MARCHF11: variants seen among roughly 807,000 people sequenced by gnomAD.
The protein encoded by MARCHF11 is E3 ubiquitin-protein ligase MARCHF11.
Under a neutral mutation model 37.3 loss-of-function variants are expected in MARCHF11, and 29 were observed. The ratio of observed to expected loss-of-function variants is 0.78; its 90% CI spans 0.58 to 1.06. The LOEUF is 1.06. MARCHF11 is among the 50% of genes least tolerant of loss of function. The pLI is 0.00. For synonymous variants in MARCHF11, 233 were observed against 228.0 expected (o/e 1.02, Z -0.20); for missense variants, 482 against 533.4 (o/e 0.90, Z 0.95).
intron 2 of MARCHF11, among the ~76,000 whole-genome samples, chr5:16,095,725 TG>T (rs1736857555): frequency 6.6e-6 from 1 of 152,126 alleles, no homozygotes; most frequent in African/African-American, 2.4e-5. Flanking sequence ...TTCTTCGATC[TG>T]GGCCCCCACT....
intron 3 of MARCHF11, among the ~76,000 whole-genome samples, chr5:16,074,943 C>T (rs191717140): frequency 2.8e-4 from 43 of 152,336 alleles, no homozygotes; most frequent in African/African-American, 1.0e-3. Flanking sequence ...TTCATGAAGT[C>T]TGCAGCCATC....
At chr5:16,164,506 A>G (rs1333843761) in intron 2 of MARCHF11, among the ~76,000 whole-genome samples, 1 of 152,018 alleles carries the variant, frequency 6.6e-6, no homozygotes, top group East Asian at 1.9e-4. Flanking sequence ...TTTGGCCCAT[A>G]TGTGTTTCAG....
chr5:16,134,964 G>A (rs1737582036), intron 2 of MARCHF11, among the ~76,000 whole-genome samples: 1 of 148,542 alleles, frequency 6.7e-6, no homozygotes, highest in African/African-American at 2.6e-5. Flanking sequence ...ATACCTGCAG[G>A]ATTATGAGTG....
chr5:16,167,896 C>T (rs565883270), intron 2 of MARCHF11, among the ~76,000 whole-genome samples: 1 of 152,058 alleles, frequency 6.6e-6, no homozygotes, highest in African/African-American at 2.4e-5. Flanking sequence ...GAGAAAGTAC[C>T]AATTATCAAT....
intron 2 of MARCHF11, among the ~76,000 whole-genome samples, chr5:16,092,586 G>A (rs1206651791): frequency 6.6e-6 from 1 of 152,080 alleles, no homozygotes; most frequent in Non-Finnish European, 1.5e-5. Flanking sequence ...CCTGTTGGTG[G>A]GTGGGGAAAA....
intron 2 of MARCHF11, among the ~76,000 whole-genome samples, chr5:16,153,437 A>G (rs775242987): frequency 6.6e-6 from 1 of 151,978 alleles, no homozygotes; most frequent in Non-Finnish European, 1.5e-5. Context: ...CTACCATGCT[A>G]GGAAGCATGA....
At chr5:16,162,882 C>T (rs1431502323) in intron 2 of MARCHF11, among the ~76,000 whole-genome samples, 1 of 152,000 alleles carries the variant, frequency 6.6e-6, no homozygotes, top group Non-Finnish European at 1.5e-5. Flanking sequence ...AAATGCCAAG[C>T]ATTTTGAAAA....
intron 2 of MARCHF11, among the ~76,000 whole-genome samples, chr5:16,161,347 C>T (rs1560992633): frequency 6.6e-6 from 1 of 151,848 alleles, no homozygotes; most frequent in Non-Finnish European, 1.5e-5. Flanking sequence ...ATAAACAGCA[C>T]ATCTTATTCC....
chr5:16,156,817 C>G (rs975534001), intron 2 of MARCHF11, among the ~76,000 whole-genome samples: 1 of 151,662 alleles, frequency 6.6e-6, no homozygotes, highest in Non-Finnish European at 1.5e-5. Flanking sequence ...CAAGCCTATA[C>G]AATATATTAC....
At chr5:16,080,226 T>C (rs1030936092) in intron 3 of MARCHF11, among the ~76,000 whole-genome samples, 3 of 152,164 alleles carry the variant, frequency 2.0e-5, no homozygotes, top group African/African-American at 7.2e-5. Context: ...TGAGTGATTG[T>C]TGGCTTGACT....
At chr5:16,171,121 A>ATTT (rs1428211444) in intron 2 of MARCHF11, among the ~76,000 whole-genome samples, 1 of 152,040 alleles carries the variant, frequency 6.6e-6, no homozygotes, top group African/African-American at 2.4e-5. Context: ...ATTTATTATT[A>ATTT]TACTTTAAGT....
chr5:16,091,400 G>T (rs1248208604), intron 2 of MARCHF11, among the ~76,000 whole-genome samples: 1 of 152,134 alleles, frequency 6.6e-6, no homozygotes, highest in Non-Finnish European at 1.5e-5. Flanking sequence ...TTTCATGCAT[G>T]CACGAAATTA....
At chr5:16,153,206 G>T (rs1324910499) in intron 2 of MARCHF11, among the ~76,000 whole-genome samples, 1 of 151,990 alleles carries the variant, frequency 6.6e-6, no homozygotes, top group African/African-American at 2.4e-5. Flanking sequence ...AAGTGGCTTG[G>T]ATTAGACATG....
chr5:16,105,595 C>T (rs1311605091), intron 2 of MARCHF11, among the ~76,000 whole-genome samples: 2 of 152,124 alleles, frequency 1.3e-5, no homozygotes, highest in East Asian at 1.9e-4. Context: ...GAACACCTGA[C>T]AGTCCAGGAA....
chr5:16,162,001 A>T (rs974179029), intron 2 of MARCHF11, among the ~76,000 whole-genome samples: 2 of 152,000 alleles, frequency 1.3e-5, no homozygotes, highest in South Asian at 2.1e-4. Context: ...TTGTATTATC[A>T]CTGTATTTAT....
chr5:16,153,482 G>T (rs192092982), intron 2 of MARCHF11, among the ~76,000 whole-genome samples: 4 of 151,964 alleles, frequency 2.6e-5, no homozygotes, highest in African/African-American at 9.7e-5. Context: ...TGCCAAAGAA[G>T]CTCTTAAGAA....
At chr5:16,114,137 G>A (rs115387168) in intron 2 of MARCHF11, among the ~76,000 whole-genome samples, 388 of 152,230 alleles carry the variant, frequency 2.5e-3, no homozygotes, top group African/African-American at 8.9e-3. Context: ...TTTTTTTATG[G>A]CTGAATAATA....
chr5:16,092,010 A>G (rs1406479757), intron 2 of MARCHF11, among the ~76,000 whole-genome samples: 1 of 152,224 alleles, frequency 6.6e-6, no homozygotes, highest in Admixed American at 6.5e-5. Context: ...GGCTATGGCA[A>G]CATATGGCTT....
At position 16,067,173 on chromosome 5, in the gene MARCHF11, G is replaced by GA. The variant is rs1184773593; in HGVS notation, c.*297dup. The GA allele has an allele frequency of 3.8e-6, 1 of 262,524 alleles. No individual in the cohort carries two copies. Among genetic ancestry groups the GA allele is most frequent in the African/African-American group, 2.2e-5 (1 of 44,586 alleles). The allele number at this position is 262,524 out of a possible 1,614,324, so 16.3% of individuals were successfully genotyped here. On this transcript the variant is annotated 3_prime_UTR_variant, in exon 4 of 4. Coordinates refer to ENST00000332432, the MANE Select transcript of MARCHF11 (RefSeq NM_001102562.3). ...ATAAAAATATATTTAAAACAAGCAA[G>GA]AAAAAATAGTTTTGGCCTTAAGGAT...
Sources: gnomAD v4.1 joint callset for allele counts (sites outside exome capture counted in the v4.1 genomes callset) on GRCh38, gnomAD v4.1.1 for gene constraint, MANE v1.5 for transcripts, NCBI Gene and HGNC (gene_info 2026-07-23, HGNC 2026-07-21) for gene names.